GRIK1: variants seen among roughly 807,000 people sequenced by gnomAD.
GRIK1 encodes the protein glutamate receptor ionotropic, kainate 1.
Under a neutral mutation model 105.7 loss-of-function variants are expected in GRIK1, and 69 were observed. The observed-to-expected ratio is 0.65, with a 90% CI of 0.54 to 0.80. GRIK1 has a LOEUF of 0.80. Ranked by LOEUF, GRIK1 falls within the 30% of genes least tolerant of loss-of-function variation. The pLI, the probability that GRIK1 is intolerant of heterozygous loss-of-function variation, is 0.00. For missense variants in GRIK1, 1,109 were observed against 1,167.3 expected (o/e 0.95, Z 0.73); for synonymous variants, 438 against 431.3 (o/e 1.02, Z -0.19).
intron 1 of GRIK1, among the ~76,000 whole-genome samples, chr21:29,715,568 G>A (rs373959134): frequency 1.3e-5 from 2 of 151,874 alleles, no homozygotes; most frequent in African/African-American, 4.8e-5. Flanking sequence ...GCACTTGCAT[G>A]TAGCTCACAT....
chr21:29,796,114 A>G (rs2066549125), intron 1 of GRIK1, among the ~76,000 whole-genome samples: 1 of 152,198 alleles, frequency 6.6e-6, no homozygotes, highest in Non-Finnish European at 1.5e-5. Flanking sequence ...GCATTTTGTC[A>G]TTGCAGGCCT....
chr21:29,651,095 G>A (rs751187617), intron 6 of GRIK1, 23 bp downstream of exon 6: 1 of 1,561,658 alleles, frequency 6.4e-7, no homozygotes, highest in Non-Finnish European at 8.7e-7. Flanking sequence ...TCTTGCAAAT[G>A]ATTTTATTTG....
chr21:29,827,668 T>G (rs2067499400), intron 1 of GRIK1, among the ~76,000 whole-genome samples: 1 of 151,920 alleles, frequency 6.6e-6, no homozygotes, highest in South Asian at 2.1e-4. Context: ...GGAGGACATA[T>G]GAGAAAAAAT....
chr21:29,858,062 G>A (rs1308179907), intron 1 of GRIK1, among the ~76,000 whole-genome samples: 2 of 152,096 alleles, frequency 1.3e-5, no homozygotes, highest in Non-Finnish European at 2.9e-5. Context: ...TATCACGCCT[G>A]GCTAAATCTT....
intron 6 of GRIK1, among the ~76,000 whole-genome samples, chr21:29,643,334 T>C (rs1207086823): frequency 2.0e-5 from 3 of 152,234 alleles, no homozygotes; most frequent in Non-Finnish European, 4.4e-5. Context: ...AAAGTTGCAA[T>C]ATCAGATTTG....
At chr21:29,769,901 G>T (rs1297864410) in intron 1 of GRIK1, among the ~76,000 whole-genome samples, 1 of 152,176 alleles carries the variant, frequency 6.6e-6, no homozygotes, top group East Asian at 1.9e-4. Context: ...ATGGTACTTT[G>T]TTATGGCAGT....
chr21:29,656,017 A>G (rs1024853976), intron 4 of GRIK1, among the ~76,000 whole-genome samples: 19 of 152,126 alleles, frequency 1.2e-4, no homozygotes, highest in African/African-American at 4.6e-4. Flanking sequence ...AGATTACCAA[A>G]ATAACTATTT....
At chr21:29,561,589 G>C (rs750584708) in intron 15 of GRIK1, 35 bp downstream of exon 15, 1 of 1,363,458 alleles carries the variant, frequency 7.3e-7, no homozygotes, top group Non-Finnish European at 1.1e-6. Context: ...CTGACATTCT[G>C]TATCTCAGTC....
chr21:29,756,796 G>A (rs1466993887), intron 1 of GRIK1, among the ~76,000 whole-genome samples: 1 of 152,104 alleles, frequency 6.6e-6, no homozygotes, highest in South Asian at 2.1e-4. Flanking sequence ...TATCATATTT[G>A]TTCGTTTTAG....
At chr21:29,703,893 T>C (rs533749570) in intron 1 of GRIK1, among the ~76,000 whole-genome samples, 1 of 152,366 alleles carries the variant, frequency 6.6e-6, no homozygotes, top group Non-Finnish European at 1.5e-5. Context: ...CCAGACTCAC[T>C]CTTTGATGCC....
intron 1 of GRIK1, among the ~76,000 whole-genome samples, chr21:29,759,381 G>T (rs2065447568): frequency 1.3e-5 from 2 of 152,142 alleles, no homozygotes; most frequent in Non-Finnish European, 2.9e-5. Context: ...GCCTCCTAAA[G>T]TGCTGGGATT....
intron 1 of GRIK1, among the ~76,000 whole-genome samples, chr21:29,749,353 G>A (rs570438974): frequency 1.3e-5 from 2 of 152,228 alleles, no homozygotes; most frequent in Admixed American, 6.5e-5. Context: ...CACTAGACTG[G>A]AAGTCAGGAG....
chr21:29,591,645 A>G (rs2061335831), intron 9 of GRIK1, among the ~76,000 whole-genome samples: 1 of 152,204 alleles, frequency 6.6e-6, no homozygotes, highest in East Asian at 1.9e-4. Context: ...TGGAGCTTAC[A>G]TTCTACTGAT....
rs766925919 is a variant in GRIK1, at chr21:29,673,124, T to C, written c.585A>G (p.Arg195=). ...GGCGGATTTTGATTTTAATATTATATCTGGAGGGAGCTTTGATGAGCTCTT... is the reference window on the plus strand; with the variant it reads ...GGCGGATTTTGATTTTAATATTATACCTGGAGGGAGCTTTGATGAGCTCTT... ...RLQELIKAPS[R]YNIKIKIRQL... The change falls in exon 4 of 18, where the codon AGA becomes AGG. Residue 195 remains arginine, a synonymous_variant. Coordinates refer to ENST00000327783, the MANE Select transcript of GRIK1 (RefSeq NM_001330994.2). 1.2e-6 allele frequency: 2 copies of C among 1,612,682 alleles called. No homozygotes were observed. Among genetic ancestry groups the C allele is most frequent in the East Asian group, 4.5e-5 (2 of 44,884 alleles).
chr21:29,811,934 C>G (rs757812708), intron 1 of GRIK1, among the ~76,000 whole-genome samples: 1 of 152,026 alleles, frequency 6.6e-6, no homozygotes. Context: ...GACTTGTTTT[C>G]TTACTATATC....
chr21:29,690,918 T>C (rs1170418061), intron 2 of GRIK1, among the ~76,000 whole-genome samples: 2 of 152,224 alleles, frequency 1.3e-5, no homozygotes, highest in Non-Finnish European at 2.9e-5. Context: ...TCTTTAACAC[T>C]ATAGCATGTC....
chr21:29,673,074 G>C lies in GRIK1; in HGVS notation c.635C>G (p.Ala212Gly). ...IRQLPSGNKD[A>G]KPLLKEMKKG... ...CTTCATCTCCTTGAGTAAAGGCTTG[G>C]CATCTTTATTCCCAGAGGGCAGCTG... Residue 212 changes from alanine (A) to glycine (G), a missense_variant, in exon 4 of 18, where the codon GCC becomes GGC. Physicochemically the swap from Ala to Gly is moderately conservative, Grantham distance 60 (BLOSUM62 0). This residue lies in a region of GRIK1 where 612 missense variants were observed against 586.0 expected (regional missense o/e 1.04). Transcript: ENST00000327783. 6.2e-7 allele frequency: 1 copy of C among 1,610,384 alleles called. No homozygotes were observed. Among genetic ancestry groups the C allele is most frequent in the Non-Finnish European group, 8.5e-7 (1 of 1,176,692 alleles).
In GRIK1 at chr21:29,848,453, C is replaced by G. The variant is rs946158830; in HGVS notation, c.118+90930G>C. On this transcript the variant is annotated intron_variant, in intron 1 of 17. Transcript: ENST00000327783. ...GTGCAATTGAATCCTCCACTCACAC[C>G]TTGATGCTTATTAGAGTCTAAATCA... Among the ~76,000 whole-genome samples, 11 of 152,136 alleles carry G rather than the reference C, an allele frequency of 7.2e-5. 1 individual carries two copies. The highest frequency in any genetic ancestry group is 2.4e-4 in the African/African-American group (10 of 41,428).
At position 29,587,964 on chromosome 21, in the gene GRIK1, CTTTTTTTTT is replaced by C. The variant is rs568648777; in HGVS notation, c.1570-384_1570-376del. On this transcript the variant is annotated intron_variant, in intron 11 of 17. Coordinates refer to ENST00000327783, the MANE Select transcript of GRIK1 (RefSeq NM_001330994.2). ...GCTCTGAGCTGAAAACTTTAAAATT[CTTTTTTTTT>C]TTTTTTTTTTTTTTTTTGTGAGGCG... Among the ~76,000 whole-genome samples the C allele has an allele frequency of 2.3e-4, 15 of 65,410 alleles. No individual in the cohort carries two copies. In the East Asian group the frequency reaches 2.4e-3, roughly 10 times the overall value. The allele number at this position is 65,410 out of a possible 152,430, so 42.9% of individuals were successfully genotyped here.
Sources: gnomAD v4.1 joint callset for allele counts (sites outside exome capture counted in the v4.1 genomes callset) on GRCh38, gnomAD v4.1.1 for gene constraint, gnomAD v4.1.1 regional missense constraint, MANE v1.5 for transcripts, NCBI Gene and HGNC (gene_info 2026-07-23, HGNC 2026-07-21) for gene names.